CEP85L: variants seen among roughly 807,000 people sequenced by gnomAD.
CEP85L encodes the protein centrosomal protein of 85 kDa-like.
In CEP85L, 60 loss-of-function variants were observed where a neutral mutation model predicts 100.3. The observed-to-expected ratio is 0.60, with a 90% CI of 0.49 to 0.74. The LOEUF is 0.74. Ranked by LOEUF, CEP85L falls within the 30% of genes least tolerant of loss-of-function variation. CEP85L has a pLI of 0.00. For synonymous variants in CEP85L, 319 were observed against 322.7 expected (o/e 0.99, Z 0.12); for missense variants, 973 against 936.2 (o/e 1.04, Z -0.51).
intron 2 of CEP85L, among the ~76,000 whole-genome samples, chr6:118,599,724 G>A (rs1781627839): frequency 6.6e-6 from 1 of 151,428 alleles, no homozygotes; most frequent in Admixed American, 6.6e-5. Flanking sequence ...TTATTATTAT[G>A]TACCCCTGAT....
At chr6:118,496,356 T>TTTCTATTTTATTTTATTTTATTTTA (rs1774919525) in intron 5 of CEP85L, among the ~76,000 whole-genome samples, 1 of 139,460 alleles carries the variant, frequency 7.2e-6, no homozygotes, top group Non-Finnish European at 1.5e-5. Context: ...TATTTTATAT[T>TTTCTATTTTATTTTATTTTATTTTA]TTTTATTTTA....
intron 3 of CEP85L, among the ~76,000 whole-genome samples, chr6:118,556,660 A>T (rs1056777702): frequency 2.6e-5 from 4 of 152,214 alleles, no homozygotes; most frequent in Non-Finnish European, 5.9e-5. Context: ...ACTTAGGAGA[A>T]AATAAAATCT....
chr6:118,528,167 T>C (rs1379375964), intron 3 of CEP85L, among the ~76,000 whole-genome samples: 1 of 151,922 alleles, frequency 6.6e-6, no homozygotes, highest in Non-Finnish European at 1.5e-5. Flanking sequence ...AAAAAAAATT[T>C]CCCATGGCTG....
At chr6:118,600,335 GT>G (rs1781703633) in intron 2 of CEP85L, among the ~76,000 whole-genome samples, 10 of 129,056 alleles carry the variant, frequency 7.7e-5, no homozygotes, top group Non-Finnish European at 1.2e-4. Flanking sequence ...GTGTGTGTGT[GT>G]GTGTGTGTGT....
intron 8 of CEP85L, 109 bp downstream of exon 8, chr6:118,481,670 C>T: frequency 1.6e-6 from 1 of 627,304 alleles, no homozygotes; most frequent in Non-Finnish European, 2.5e-6. Flanking sequence ...TCCTGTAGTA[C>T]ATCTTTAAAT....
In CEP85L at chr6:118,464,872, C is replaced by T. The variant is rs1772407596; in HGVS notation, c.*533G>A. On this transcript the variant is annotated 3_prime_UTR_variant, in exon 13 of 13. Coordinates refer to ENST00000368491, the MANE Select transcript of CEP85L (RefSeq NM_001042475.3). The stretch of plus-strand genomic sequence containing the variant: ...TGCCTCCTGTACTACCATGACAACA[C>T]TTGCCTGCTGTTTGAACTCTTGTTC... 6.6e-6 allele frequency: 1 copy of T among 152,374 alleles called. No individual in the cohort carries two copies. The highest frequency in any genetic ancestry group is 1.5e-5 in the Non-Finnish European group (1 of 68,228). 9.4% of individuals were successfully genotyped at this position (152,374 alleles called of 1,614,324 possible).
chr6:118,700,443 C>T (rs1345666834), intron 1 of CEP85L, among the ~76,000 whole-genome samples: 1 of 152,266 alleles, frequency 6.6e-6, no homozygotes, highest in Non-Finnish European at 1.5e-5. Flanking sequence ...AATCCAGAAT[C>T]TCCAATAAGT....
chr6:118,633,151 TTATTATTTAA>T (rs1262430598), intron 1 of CEP85L, among the ~76,000 whole-genome samples: 24 of 152,322 alleles, frequency 1.6e-4, no homozygotes, highest in Admixed American at 1.2e-3. Context: ...ATTTCCTTAA[TTATTATTTAA>T]TAACAGTTTA....
intron 3 of CEP85L, among the ~76,000 whole-genome samples, chr6:118,534,192 A>G (rs553468884): frequency 6.6e-6 from 1 of 152,352 alleles, no homozygotes; most frequent in East Asian, 1.9e-4. Flanking sequence ...ACAAGATTAT[A>G]CAATTCAGGG....
intron 3 of CEP85L, among the ~76,000 whole-genome samples, chr6:118,531,028 A>T (rs1777261644): frequency 6.6e-6 from 1 of 152,232 alleles, no homozygotes; most frequent in Non-Finnish European, 1.5e-5. Context: ...ATGGATCCAA[A>T]AAACAGCCTG....
intron 2 of CEP85L, among the ~76,000 whole-genome samples, chr6:118,631,067 T>A (rs1260953077): frequency 6.6e-6 from 1 of 152,180 alleles, no homozygotes; most frequent in Admixed American, 6.5e-5. Context: ...GCATGAACAC[T>A]GGGTGATAAT....
chr6:118,620,923 G>C (rs888908361), intron 2 of CEP85L, among the ~76,000 whole-genome samples: 4 of 152,156 alleles, frequency 2.6e-5, no homozygotes, highest in African/African-American at 9.7e-5. Context: ...ATTATCCAAA[G>C]CTGGAGCTAT....
chr6:118,640,533 T>TA (rs1774794978), intron 1 of CEP85L, among the ~76,000 whole-genome samples: 1 of 152,152 alleles, frequency 6.6e-6, no homozygotes, highest in Admixed American at 6.5e-5. Context: ...TTGTTGTTGT[T>TA]ATTGTTTTTG....
At chr6:118,523,697 T>C in intron 4 of CEP85L, 105 bp downstream of exon 4, 1 of 522,420 alleles carries the variant, frequency 1.9e-6, no homozygotes, top group Non-Finnish European at 3.3e-6. Context: ...AATGAATCTG[T>C]AAGGTTCTAG....
intron 3 of CEP85L, chr6:118,560,115 A>G (rs1779136916): frequency 6.0e-6 from 1 of 167,042 alleles, no homozygotes; most frequent in Non-Finnish European, 1.5e-5. Flanking sequence ...CTCTCCAAAT[A>G]TTAACTAATT....
At chr6:118,615,519 G>C (rs987797466) in intron 2 of CEP85L, among the ~76,000 whole-genome samples, 2 of 151,806 alleles carry the variant, frequency 1.3e-5, no homozygotes, top group Non-Finnish European at 2.9e-5. Flanking sequence ...TTCCCACACC[G>C]TGCACGTTCC....
At position 118,566,162 on chromosome 6, in the gene CEP85L, G is replaced by A. The variant is rs1779492455; in HGVS notation, c.387C>T (p.Leu129=). The change falls in exon 3 of 13, where the codon CTC becomes CTT. Residue 129 remains leucine (L), a synonymous_variant. Coordinates refer to ENST00000368491, the MANE Select transcript of CEP85L (RefSeq NM_001042475.3). The stretch of plus-strand genomic sequence containing the variant: ...TACTGTGGTTTCCCAATGTTTGCAT[G>A]AGGCTTGTACTCCATTTTGAGCCAT... ...TPDGSKWSTS[L]MQTLGNHSRG... is the part of the protein sequence containing the mutation. 6.2e-7 allele frequency: 1 copy of A among 1,614,030 alleles called. No individual in the cohort carries two copies. The highest frequency in any genetic ancestry group is 1.3e-5 in the African/African-American group (1 of 74,908).
At chr6:118,559,947 A>G (rs1779126344) in intron 3 of CEP85L, 1 of 167,020 alleles carries the variant, frequency 6.0e-6, no homozygotes, top group Non-Finnish European at 1.5e-5. Context: ...AGCTTACCAT[A>G]CTATATCTTT....
intron 1 of CEP85L, 51 bp from the exon 2 acceptor site, chr6:118,632,662 GA>G (rs1554234721): frequency 6.7e-7 from 1 of 1,490,342 alleles, no homozygotes; most frequent in Non-Finnish European, 9.0e-7. Context: ...GTAGGCAGAA[GA>G]TTTTTTTTTT....
Sources: allele counts gnomAD v4.1 joint callset (sites outside exome capture counted in the v4.1 genomes callset), GRCh38; gene constraint gnomAD v4.1.1; transcripts MANE v1.5; gene names NCBI Gene and HGNC (gene_info 2026-07-23, HGNC 2026-07-21).